Variants in FMN2 observed in about 807,000 individuals in gnomAD.
FMN2 encodes formin 2.
A neutral mutation model predicts 142.3 loss-of-function variants in FMN2; 51 were observed. The observed-to-expected ratio is 0.36, with a 90% CI of 0.29 to 0.45. The LOEUF (loss-of-function observed/expected upper bound fraction) is 0.45. Ranked by LOEUF, FMN2 falls within the 20% of genes least tolerant of loss-of-function variation. FMN2 has a pLI of 1.00. For synonymous variants in FMN2, 882 were observed against 869.8 expected, an observed-to-expected ratio of 1.01 and a Z score of -0.25; for missense variants, 1,936 against 2,122.8, an observed-to-expected ratio of 0.91 and a Z score of 1.73.
At chr1:240,252,849 A>G (rs573409881) in intron 6 of FMN2, among the ~76,000 whole-genome samples, 51 of 151,748 alleles carry the variant, frequency 3.4e-4, no homozygotes, top group African/African-American at 1.1e-3. Flanking sequence ...TGTTCCACTA[A>G]GTAGGTTTTT....
chr1:240,263,195 T>A (rs1439928454), intron 7 of FMN2, among the ~76,000 whole-genome samples: 1 of 152,212 alleles, frequency 6.6e-6, no homozygotes, highest in African/African-American at 2.4e-5. Flanking sequence ...AGCAAAATAG[T>A]TTGAAAACCC....
At chr1:240,330,864 T>C in intron 11 of FMN2, 115 bp downstream of exon 11, 1 of 1,250,906 alleles carries the variant, frequency 8.0e-7, no homozygotes, top group Non-Finnish European at 1.1e-6. Flanking sequence ...GTCAAATGCT[T>C]CTTTATGTTC....
intron 2 of FMN2, among the ~76,000 whole-genome samples, chr1:240,166,286 A>G (rs1353605308): frequency 2.0e-5 from 3 of 151,746 alleles, no homozygotes; most frequent in Non-Finnish European, 4.4e-5. Context: ...CTGGAGTGCA[A>G]TGGCACGATC....
chr1:240,362,057 G>A (rs185809118), intron 14 of FMN2, among the ~76,000 whole-genome samples: 8 of 152,300 alleles, frequency 5.3e-5, no homozygotes, highest in South Asian at 2.1e-4. Context: ...GGATATGAAG[G>A]TGGGGGTCAG....
chr1:240,295,189 TACACACACACACAC>T (rs67137806), intron 8 of FMN2, among the ~76,000 whole-genome samples: 72 of 144,164 alleles, frequency 5.0e-4, no homozygotes, highest in African/African-American at 8.2e-4. Context: ...GTGCACTTCA[TACACACACACACAC>T]ACACACACAC....
chr1:240,298,450 TC>T (rs1364540637), intron 8 of FMN2, among the ~76,000 whole-genome samples: 1 of 152,150 alleles, frequency 6.6e-6, no homozygotes, highest in African/African-American at 2.4e-5. Flanking sequence ...GAACAGTTCT[TC>T]CCTAAACGTC....
In FMN2 at chr1:240,207,890, C is replaced by G; in HGVS notation, c.3078C>G (p.Pro1026=). 1.5e-6 allele frequency: 1 copy of G among 646,198 alleles called. No individual in the cohort carries two copies. Among genetic ancestry groups the G allele is most frequent in the South Asian group, 1.8e-5 (1 of 54,384 alleles). The allele number at this position is 646,198 out of a possible 1,614,324, so 40.0% of individuals were successfully genotyped here. A position where few individuals can be genotyped will look rare whatever the true frequency, so the allele number is the denominator to read the frequency against. ...GAGIPPPPPL[P]GAGIPPPPPL... ...GCATACCTCCTCCACCCCCTCTACC[C>G]GGAGCGGGCATACCCCCTCCGCCCC... The change falls in exon 5 of 18, where the codon CCC becomes CCG. Residue 1026 remains proline, a synonymous_variant. Coordinates refer to ENST00000319653, the MANE Select transcript of FMN2 (RefSeq NM_020066.5).
Position 240,091,975 on chromosome 1 carries a change from G to T in FMN2, c.-135G>T, listed in dbSNP as rs551571374. ...GAGCGGGGCCAGCCGGGCGCGCGTC[G>T]GCCTCCCCTCCCAGCGGCTCCCCCC... On this transcript the variant is annotated 5_prime_UTR_variant, in exon 1 of 18. Transcript: ENST00000319653. 1.5e-6 allele frequency: 2 copies of T among 1,351,730 alleles called. No homozygotes were observed. Among genetic ancestry groups the T allele is most frequent in the Non-Finnish European group, 1.9e-6 (2 of 1,052,586 alleles). 83.7% of individuals were successfully genotyped at this position (1,351,730 alleles called of 1,614,324 possible).
At chr1:240,226,328 T>A (rs947732254) in intron 6 of FMN2, among the ~76,000 whole-genome samples, 5 of 152,090 alleles carry the variant, frequency 3.3e-5, no homozygotes. Flanking sequence ...GGAACCCCAA[T>A]AATACTAACA....
chr1:240,473,194 C>CGT lies in FMN2; in HGVS notation c.5142+742_5142+743dup, dbSNP rs1311906050. Among the ~76,000 whole-genome samples, 3 of 152,132 alleles carry CGT rather than the reference C, an allele frequency of 2.0e-5. No individual in the cohort carries two copies. The highest frequency in any genetic ancestry group is 7.2e-5 in the African/African-American group (3 of 41,422). The stretch of plus-strand genomic sequence containing the variant: ...CGCTTTGCCCAGGGTGCCCAGACCC[C>CGT]GTTTATATCCACAGATGGCTCGGCA... On this transcript the variant is annotated intron_variant, in intron 17 of 17. Transcript: ENST00000319653. The surrounding 1 kb of genome is among the most constrained non-coding windows in gnomAD (Gnocchi z 4.3).
chr1:240,361,131 AAATATATGTG>A (rs1468036605), intron 14 of FMN2, among the ~76,000 whole-genome samples: 17 of 43,720 alleles, frequency 3.9e-4, no homozygotes, highest in African/African-American at 1.8e-3. Flanking sequence ...AATAATAAAT[AAATATATGTG>A]TATATATATA....
intron 1 of FMN2, among the ~76,000 whole-genome samples, chr1:240,108,424 G>T (rs1661691591): frequency 6.6e-6 from 1 of 152,066 alleles, no homozygotes; most frequent in East Asian, 1.9e-4. Context: ...GTTAGTATGT[G>T]AGATACAGAA....
chr1:240,092,546 G>T lies in FMN2; in HGVS notation c.437G>T (p.Gly146Val), dbSNP rs138394305. Reference sequence around the variant, plus strand: ...CCTTTTGAGGTGACCGGTCCAGGGGGTCCTGGGCCTGCCGAGGCTAGGGTC... The same window carrying T: ...CCTTTTGAGGTGACCGGTCCAGGGGTTCCTGGGCCTGCCGAGGCTAGGGTC... ...ADPFEVTGPGGPGPAEARVGG... is the reference protein window; with the variant it reads ...ADPFEVTGPGVPGPAEARVGG... Residue 146 changes from glycine to valine, a missense_variant, in exon 1 of 18, where the codon GGT (glycine) becomes GTT (valine). Physicochemically the swap from Gly to Val is moderately radical, Grantham distance 109. This residue lies in a region of FMN2 where 751 missense variants were observed against 791.8 expected (regional missense o/e 0.95). Transcript: ENST00000319653. 1.0e-4 allele frequency: 167 copies of T among 1,612,300 alleles called. No individual in the cohort carries two copies. The highest frequency in any genetic ancestry group is 3.3e-5 in the Admixed American group (2 of 59,792).
chr1:240,375,786 G>C (rs1673022110), intron 14 of FMN2, among the ~76,000 whole-genome samples: 1 of 152,116 alleles, frequency 6.6e-6, no homozygotes, highest in African/African-American at 2.4e-5. Context: ...TCAGGGTATT[G>C]TATAAATGTC....
At position 240,426,825 on chromosome 1, in the gene FMN2, TC is replaced by T. The variant is rs1346050390; in HGVS notation, c.4911-11233del. On this transcript the variant is annotated intron_variant, in intron 15 of 17. Transcript: ENST00000319653. ...ATCTTGGCTCACTGCATCCTCCGCC[TC>T]CCGGGTTCAAGCAATTCTCCTCCTG... Among the ~76,000 whole-genome samples, 8 of 152,204 alleles carry T rather than the reference TC, an allele frequency of 5.3e-5. No individual in the cohort carries two copies. In the East Asian group the frequency reaches 1.5e-3, roughly 29 times the overall value.
At chr1:240,184,351 G>A (rs113356459) in intron 3 of FMN2, among the ~76,000 whole-genome samples, 8 of 141,108 alleles carry the variant, frequency 5.7e-5, no homozygotes, top group South Asian at 2.3e-4. Flanking sequence ...ATTCTCCTGC[G>A]TCAGCCTCCC....
chr1:240,118,872 T>TTAG (rs1662125240), intron 1 of FMN2, among the ~76,000 whole-genome samples: 1 of 151,392 alleles, frequency 6.6e-6, no homozygotes, highest in South Asian at 2.1e-4. Context: ...TAACTAGAGG[T>TTAG]TAGTGGATGG....
chr1:240,429,469 G>A (rs1675064421), intron 15 of FMN2, among the ~76,000 whole-genome samples: 1 of 151,886 alleles, frequency 6.6e-6, no homozygotes, highest in Non-Finnish European at 1.5e-5. Context: ...TTCTTGGTTA[G>A]TTGAGGCGTA....
intron 2 of FMN2, chr1:240,144,286 C>A: frequency 6.2e-7 from 1 of 1,605,740 alleles, no homozygotes; most frequent in Admixed American, 1.7e-5. Context: ...CAGAGTCCAC[C>A]TGAGAGCCAC....
Sources: gnomAD v4.1 joint callset for allele counts (sites outside exome capture counted in the v4.1 genomes callset) on GRCh38, gnomAD v4.1.1 for gene constraint, gnomAD v4.1.1 regional missense constraint, Gnocchi (gnomAD v3.1) non-coding constraint, MANE v1.5 for transcripts, NCBI Gene and HGNC (gene_info 2026-07-23, HGNC 2026-07-21) for gene names.